The following EHD4 variants were observed in gnomAD, a reference collection of about 807,000 sequenced individuals.
EHD4 encodes the protein EH domain containing 4, also known as EH domain-containing protein 4.
EHD4 carries 37 observed loss-of-function variants against 51.0 expected under a neutral mutation model. The ratio of observed to expected loss-of-function variants is 0.73; its 90% CI spans 0.56 to 0.95. The LOEUF is 0.95. Among genes scored for constraint, EHD4 ranks in the 40% least tolerant of loss-of-function variants. The probability of loss-of-function intolerance (pLI) is 0.00; values close to 1 mark genes in which losing one functional copy is unlikely to be tolerated. For synonymous variants in EHD4, 297 were observed against 317.3 expected (o/e 0.94, Z 0.68); for missense variants, 632 against 733.1 (o/e 0.86, Z 1.59).
chr15:41,935,387 T>C (rs2067725317), intron 3 of EHD4, among the ~76,000 whole-genome samples: 1 of 152,122 alleles, frequency 6.6e-6, no homozygotes, highest in African/African-American at 2.4e-5. Context: ...GCTTAAGAAA[T>C]TGACCAGGGG....
chr15:41,912,888 G>T (rs1222837873), intron 4 of EHD4, among the ~76,000 whole-genome samples: 1 of 152,192 alleles, frequency 6.6e-6, no homozygotes, highest in African/African-American at 2.4e-5. Flanking sequence ...CCTCGTTCCT[G>T]TCCCTAAAGA....
At chr15:41,932,295 G>A (rs1396152501) in intron 3 of EHD4, among the ~76,000 whole-genome samples, 2 of 152,370 alleles carry the variant, frequency 1.3e-5, no homozygotes, top group African/African-American at 4.8e-5. Context: ...AGGGCTCCAC[G>A]TGAGTGGGCG....
chr15:41,922,229 ATAAAAACAAATTAACTGGGT>A (rs2078389777), intron 3 of EHD4, among the ~76,000 whole-genome samples: 2 of 152,120 alleles, frequency 1.3e-5, no homozygotes, highest in African/African-American at 4.8e-5. Context: ...TCTACAAAAA[ATAAAAACAAATTAACTGGGT>A]GTGGTGGCGT....
intron 2 of EHD4, among the ~76,000 whole-genome samples, chr15:41,945,914 C>T (rs2067809267): frequency 1.3e-5 from 2 of 152,250 alleles, no homozygotes; most frequent in African/African-American, 4.8e-5. Flanking sequence ...AGCCGTGGGA[C>T]TGGGCAAGGT....
At chr15:41,943,212 G>A (rs1427506506) in intron 2 of EHD4, 48 bp from the exon 3 acceptor site, 2 of 1,473,462 alleles carry the variant, frequency 1.4e-6, no homozygotes, top group African/African-American at 1.4e-5. Flanking sequence ...GCATCACAGA[G>A]TGCTCCAACC....
intron 3 of EHD4, among the ~76,000 whole-genome samples, chr15:41,934,526 G>A (rs2067719440): frequency 6.6e-6 from 1 of 152,030 alleles, no homozygotes. Flanking sequence ...ATGCTGCCCA[G>A]GCTGGTCTGG....
At chr15:41,907,866 GTGTGTATA>G (rs58924531) in intron 5 of EHD4, among the ~76,000 whole-genome samples, 1,630 of 97,736 alleles carry the variant, frequency 0.017, 29 homozygotes, top group African/African-American at 0.042. Context: ...GTGTGTGTGT[GTGTGTATA>G]TATTTATTTA....
chr15:41,924,055 C>T (rs1202821515), intron 3 of EHD4, among the ~76,000 whole-genome samples: 3 of 152,170 alleles, frequency 2.0e-5, no homozygotes, highest in African/African-American at 7.2e-5. Flanking sequence ...GAGTGATTAC[C>T]TGAGAAAATG....
intron 3 of EHD4, among the ~76,000 whole-genome samples, chr15:41,940,859 G>A (rs1445239546): frequency 1.3e-5 from 2 of 152,188 alleles, no homozygotes; most frequent in Admixed American, 6.5e-5. Flanking sequence ...AGACTCAGGT[G>A]AACAGAACTG....
intron 1 of EHD4, among the ~76,000 whole-genome samples, chr15:41,954,692 C>A (rs1402205658): frequency 6.6e-6 from 1 of 151,784 alleles, no homozygotes; most frequent in African/African-American, 2.4e-5. Context: ...GGCTGGAGTG[C>A]AGTGGTGCAA....
chr15:41,920,218 T>C (rs374573474), intron 3 of EHD4, among the ~76,000 whole-genome samples: 2 of 152,258 alleles, frequency 1.3e-5, no homozygotes, highest in African/African-American at 2.4e-5. Context: ...ATATTGTGAA[T>C]ATTTTTTTAA....
intron 3 of EHD4, chr15:41,942,258 T>G (rs2067777569): frequency 1.3e-5 from 2 of 152,394 alleles, no homozygotes; most frequent in South Asian, 2.1e-4. Flanking sequence ...TTTTTTTTTT[T>G]TTTTTTGAGA....
chr15:41,939,982 A>G (rs1017678545), intron 3 of EHD4, among the ~76,000 whole-genome samples: 1 of 147,678 alleles, frequency 6.8e-6, no homozygotes, highest in African/African-American at 2.5e-5. Context: ...AATGCTATGT[A>G]TTTTTTTTTT....
chr15:41,934,831 C>A (rs557003947), intron 3 of EHD4, among the ~76,000 whole-genome samples: 1 of 152,210 alleles, frequency 6.6e-6, no homozygotes, highest in East Asian at 1.9e-4. Flanking sequence ...CAACCAAACA[C>A]GCCCAGAGAA....
chr15:41,903,941 T>G (rs1237667766), intron 5 of EHD4, among the ~76,000 whole-genome samples: 2 of 152,096 alleles, frequency 1.3e-5, no homozygotes. Context: ...ACTCCTGACA[T>G]CAGCACCAAA....
intron 5 of EHD4, 112 bp downstream of exon 5, chr15:41,909,587 G>A (rs2067535194): frequency 4.8e-6 from 6 of 1,248,798 alleles, no homozygotes; most frequent in Admixed American, 4.0e-5. Context: ...AGGAAGATGC[G>A]TTGTCCTTGA....
At chr15:41,961,905 T>G (rs904721380) in intron 1 of EHD4, among the ~76,000 whole-genome samples, 15 of 152,106 alleles carry the variant, frequency 9.9e-5, no homozygotes, top group Admixed American at 9.8e-4. Flanking sequence ...CCTAAGAGAA[T>G]CTACTGACAA....
At chr15:41,934,517 T>A (rs571351678) in intron 3 of EHD4, among the ~76,000 whole-genome samples, 15 of 152,226 alleles carry the variant, frequency 9.9e-5, no homozygotes, top group African/African-American at 2.9e-4. Flanking sequence ...GGTCTCTCTA[T>A]GCTGCCCAGG....
chr15:41,920,726 C>T (rs1011093451), intron 3 of EHD4, among the ~76,000 whole-genome samples: 9 of 151,984 alleles, frequency 5.9e-5, no homozygotes, highest in Admixed American at 3.9e-4. Context: ...AAATACCATA[C>T]GGTGGTGAGA....
Sources: gnomAD v4.1 joint callset for allele counts (sites outside exome capture counted in the v4.1 genomes callset) on GRCh38, gnomAD v4.1.1 for gene constraint, MANE v1.5 for transcripts, NCBI Gene and HGNC (gene_info 2026-07-23, HGNC 2026-07-21) for gene names.